The following NME8 variants were observed in gnomAD, a reference collection of about 807,000 sequenced individuals.
The protein encoded by NME8 is NME/NM23 family member 8, also known as protein NME8.
In NME8, 72 loss-of-function variants were observed where a neutral mutation model predicts 82.3. The observed-to-expected ratio is 0.87, with a 90% CI of 0.72 to 1.06. The LOEUF (loss-of-function observed/expected upper bound fraction) is 1.06, where lower values mean the gene tolerates loss of function less well. NME8 is among the 50% of genes least tolerant of loss of function. NME8 has a pLI of 0.00. For synonymous variants in NME8, 267 were observed against 228.5 expected (o/e 1.17, Z -1.52); for missense variants, 712 against 685.4 (o/e 1.04, Z -0.43).
intron 12 of NME8, among the ~76,000 whole-genome samples, chr7:37,882,546 GGAAAGAAAGAAA>G (rs753903098): frequency 4.5e-4 from 46 of 102,104 alleles, no homozygotes; most frequent in African/African-American, 1.5e-3. Flanking sequence ...AGGGAGGAAG[GGAAAGAAAGAAA>G]GAAAGAAAGA....
chr7:37,859,349 A>C (rs1228650110), intron 6 of NME8, among the ~76,000 whole-genome samples: 1 of 151,462 alleles, frequency 6.6e-6, no homozygotes, highest in Non-Finnish European at 1.5e-5. Context: ...CAGTTCTCCA[A>C]CTCTTCCCCT....
At chr7:37,868,173 A>G (rs1016422357) in intron 11 of NME8, among the ~76,000 whole-genome samples, 1 of 152,130 alleles carries the variant, frequency 6.6e-6, no homozygotes, top group Non-Finnish European at 1.5e-5. Context: ...TGTTAGATAG[A>G]AAGAGCACTG....
Position 37,896,987 on chromosome 7 carries a change from C to T in NME8, c.1662C>T (p.Ala554=). 4 of 1,613,876 alleles carry T rather than the reference C, an allele frequency of 2.5e-6. No homozygotes were observed. The highest frequency in any genetic ancestry group is 3.4e-6 in the Non-Finnish European group (4 of 1,179,888). The change falls in exon 17 of 18, where the codon GCC becomes GCT. Residue 554 remains alanine, a synonymous_variant. Transcript: ENST00000199447. ...AKLLSPDSIR[A]QFGISKLKNI... is the part of the protein sequence containing the mutation. Reference sequence around the variant, plus strand: ...TACTTTCCCCTGACTCCATCCGAGCCCAGTTTGGAATAAGTAAATTGAAAA... The same window carrying T: ...TACTTTCCCCTGACTCCATCCGAGCTCAGTTTGGAATAAGTAAATTGAAAA...
At chr7:37,896,265 T>A (rs948443113) in intron 16 of NME8, among the ~76,000 whole-genome samples, 2 of 152,210 alleles carry the variant, frequency 1.3e-5, no homozygotes, top group Non-Finnish European at 2.9e-5. Context: ...TATTGCAGGT[T>A]GCATTTTCTG....
chr7:37,865,645 C>G (rs771448407), intron 10 of NME8, 28 bp downstream of exon 10: 25 of 1,488,266 alleles, frequency 1.7e-5, no homozygotes, highest in African/African-American at 2.8e-5. Context: ...AAAAAATCCT[C>G]TATGTGTTTA....
Position 37,867,743 on chromosome 7 carries a change from A to G in NME8, c.663A>G (p.Leu221=), listed in dbSNP as rs1460812902. 6.2e-7 allele frequency: 1 copy of G among 1,613,644 alleles called. No individual in the cohort carries two copies. The highest frequency in any genetic ancestry group is 1.7e-5 in the Admixed American group (1 of 60,004). ...TTGTCTCTTTTATGACAAGTGGCTT[A>G]AGCTATATTCTAGTTGTATCTCAAG... ...EEFVSFMTSG[L]SYILVVSQGS... The change falls in exon 11 of 18, where the codon TTA becomes TTG. Residue 221 remains leucine, a synonymous_variant. Coordinates refer to ENST00000199447, the MANE Select transcript of NME8 (RefSeq NM_016616.5).
rs199848335 is a variant in NME8 at position 37,850,681 on chromosome 7, A to G, written c.144A>G (p.Leu48=). Residue 48 remains leucine (L), a synonymous_variant, in exon 5 of 18, where the codon TTA becomes TTG. Coordinates refer to ENST00000199447, the MANE Select transcript of NME8 (RefSeq NM_016616.5). ...GACCTTGCAGAGCAATGCAACCTTT[A>G]TTCAGAAAATTGAAAAATGAACTGA... ...WCGPCRAMQP[L]FRKLKNELNE... is the part of the protein sequence containing the mutation. 62 of 1,613,836 alleles carry G rather than the reference A, an allele frequency of 3.8e-5. No individual in the cohort carries two copies. In the Middle Eastern group the frequency reaches 6.6e-4, roughly 17 times the overall value.
Position 37,894,610 on chromosome 7 carries a change from T to C in NME8, c.1544T>C (p.Val515Ala). 1 of 1,583,538 alleles carries C rather than the reference T, an allele frequency of 6.3e-7. No individual in the cohort carries two copies. ...FYKDLLEMLS[V>A]GPSMVMILTK... ...AAAGATTTATTGGAAATGTTATCTGTGTAAGTTTCTGATACATAATTGTTT... is the reference window on the plus strand; with the variant it reads ...AAAGATTTATTGGAAATGTTATCTGCGTAAGTTTCTGATACATAATTGTTT... Residue 515 changes from valine (V) to alanine (A), a missense_variant and splice_region_variant, in exon 16 of 18, where the codon GTG becomes GCG. Physicochemically the swap from Val to Ala is moderately conservative, Grantham distance 64. Coordinates refer to ENST00000199447, the MANE Select transcript of NME8 (RefSeq NM_016616.5).
intron 12 of NME8, among the ~76,000 whole-genome samples, chr7:37,880,234 G>A (rs1784921940): frequency 6.6e-6 from 1 of 151,928 alleles, no homozygotes; most frequent in Non-Finnish European, 1.5e-5. Flanking sequence ...ATTTCTTTTT[G>A]GATTGCGGTT....
At chr7:37,867,645 T>C in intron 10 of NME8, 57 bp from the exon 11 acceptor site, 1 of 1,364,728 alleles carries the variant, frequency 7.3e-7, no homozygotes, top group Non-Finnish European at 1.0e-6. Context: ...GTGACCACCA[T>C]TTTAGTCCAT....
chr7:37,899,361 A>T (rs1254485627), intron 17 of NME8, among the ~76,000 whole-genome samples: 1 of 152,232 alleles, frequency 6.6e-6, no homozygotes, highest in East Asian at 1.9e-4. Context: ...ATAAAAGGGA[A>T]TGAGATCGTG....
chr7:37,893,552 A>G (rs567243439), intron 15 of NME8, among the ~76,000 whole-genome samples: 1 of 152,046 alleles, frequency 6.6e-6, no homozygotes, highest in African/African-American at 2.4e-5. Flanking sequence ...CTCTGCCTGC[A>G]ATGTCCTTTC....
rs377301450 is a variant in NME8, at chr7:37,891,332, C to CA, written c.1399+2912dup. Among the ~76,000 whole-genome samples the CA allele has an allele frequency of 5.4e-3, 811 of 150,758 alleles. 10 individuals carry two copies. Among genetic ancestry groups the CA allele is most frequent in the African/African-American group, 0.019 (763 of 41,214 alleles). On this transcript the variant is annotated intron_variant, in intron 15 of 17. Coordinates refer to ENST00000199447, the MANE Select transcript of NME8 (RefSeq NM_016616.5). ...GTTGCCTGTGCTTTTGAGGTCTTAC[C>CA]AAAAAAAATCACTGCCGAGACCAAT...
At chr7:37,868,549 T>A (rs901059684) in intron 11 of NME8, among the ~76,000 whole-genome samples, 32 of 152,258 alleles carry the variant, frequency 2.1e-4, no homozygotes, top group African/African-American at 7.0e-4. Context: ...CCTCAGGTGA[T>A]CTTTGCTCCC....
At position 37,900,328 on chromosome 7, in the gene NME8, C is replaced by CT. The variant is rs1334263119; in HGVS notation, c.*103dup. On this transcript the variant is annotated 3_prime_UTR_variant, in exon 18 of 18. Coordinates refer to ENST00000199447, the MANE Select transcript of NME8 (RefSeq NM_016616.5). ...TGGGAGGAATAATAAGAAAAACATG[C>CT]TTTGGAGGAAAACTCAAGATACAAA... 3 of 152,126 alleles carry CT rather than the reference C, an allele frequency of 2.0e-5. No homozygotes were observed. In the East Asian group the frequency reaches 5.8e-4, roughly 29 times the overall value. The allele number at this position is 152,126 out of a possible 1,614,324, so 9.4% of individuals were successfully genotyped here. A position where few individuals can be genotyped will look rare whatever the true frequency, so the allele number is the denominator to read the frequency against.
intron 15 of NME8, among the ~76,000 whole-genome samples, chr7:37,892,082 T>C (rs566387092): frequency 1.1e-3 from 172 of 152,150 alleles, no homozygotes; most frequent in African/African-American, 4.0e-3. Context: ...TTCCTGCATT[T>C]CTTTCAAGAA....
chr7:37,875,213 A>G (rs1168677489), intron 11 of NME8, among the ~76,000 whole-genome samples: 1 of 152,238 alleles, frequency 6.6e-6, no homozygotes, highest in Non-Finnish European at 1.5e-5. Context: ...AGATGGGACA[A>G]CTACATGCAA....
At chr7:37,882,896 T>C (rs951236745) in intron 12 of NME8, among the ~76,000 whole-genome samples, 4 of 152,202 alleles carry the variant, frequency 2.6e-5, no homozygotes, top group African/African-American at 9.7e-5. Flanking sequence ...ATATTTATTA[T>C]TATATTCATC....
Position 37,862,122 on chromosome 7 carries a change from C to A in NME8, c.365C>A (p.Ala122Glu). 6.2e-7 allele frequency: 1 copy of A among 1,611,588 alleles called. No homozygotes were observed. Among genetic ancestry groups the A allele is most frequent in the Middle Eastern group, 1.7e-4 (1 of 6,052 alleles). The change falls in exon 7 of 18, where the codon GCA becomes GAA. Residue 122 changes from alanine to glutamate, a missense_variant. Coordinates refer to ENST00000199447, the MANE Select transcript of NME8 (RefSeq NM_016616.5). ...ATCGATGAGGAGAGAAAAATTGCAG[C>A]AGGTGAAATGGCTCGACCTCAGGTA... ...NLIDEERKIA[A>E]GEMARPQYPE...
Sources: allele counts gnomAD v4.1 joint callset (sites outside exome capture counted in the v4.1 genomes callset), GRCh38; gene constraint gnomAD v4.1.1; transcripts MANE v1.5; gene names NCBI Gene and HGNC (gene_info 2026-07-23, HGNC 2026-07-21).